The following DSC2 variants were observed in gnomAD, a reference collection of about 807,000 sequenced individuals.
DSC2 encodes desmocollin 2.
Under a neutral mutation model 87.6 loss-of-function variants are expected in DSC2, and 51 were observed. The ratio of observed to expected loss-of-function variants is 0.58; its 90% confidence interval spans 0.46 to 0.74. The LOEUF (loss-of-function observed/expected upper bound fraction) is 0.74. Ranked by LOEUF, DSC2 falls within the 30% of genes least tolerant of loss-of-function variation. The pLI, the probability that DSC2 is intolerant of heterozygous loss-of-function variation, is 0.00. For missense variants in DSC2, 1,066 were observed against 1,089.5 expected (o/e 0.98, Z 0.30); for synonymous variants, 383 against 393.2 (o/e 0.97, Z 0.31).
chr18:31,091,957 TA>T, intron 3 of DSC2, 143 bp downstream of exon 3: 1 of 776,464 alleles, frequency 1.3e-6, no homozygotes. Flanking sequence ...CTTTTCCTTC[TA>T]AACACTGTGA....
In DSC2 at chr18:31,082,969, A is replaced by G. The variant is rs777688726; in HGVS notation, c.1034T>C (p.Ile345Thr). Residue 345 changes from isoleucine (I) to threonine (T), a missense_variant, in exon 8 of 16, where the codon ATT (isoleucine) becomes ACT (threonine). Ile to Thr is a moderately conservative substitution (Grantham distance 89). Transcript: ENST00000280904. ...LQTTSTCIIN[I>T]DDVNDHLPTF... Reference sequence around the variant, plus strand: ...TGGCAAGTGGTCATTTACATCATCAATGTTAATGATACAAGTTGAAGTTGT... The same window carrying G: ...TGGCAAGTGGTCATTTACATCATCAGTGTTAATGATACAAGTTGAAGTTGT... The G allele has an allele frequency of 9.9e-6, 16 of 1,613,540 alleles. No individual in the cohort carries two copies. Among genetic ancestry groups the G allele is most frequent in the South Asian group, 2.2e-5 (2 of 91,056 alleles).
At chr18:31,093,906 T>A (rs1233580936) in intron 1 of DSC2, among the ~76,000 whole-genome samples, 2 of 151,116 alleles carry the variant, frequency 1.3e-5, no homozygotes, top group Non-Finnish European at 3.0e-5. Flanking sequence ...ATATTGGAGA[T>A]AAAATAAAAA....
At chr18:31,084,228 T>G (rs1987323817) in intron 7 of DSC2, among the ~76,000 whole-genome samples, 1 of 152,114 alleles carries the variant, frequency 6.6e-6, no homozygotes, top group African/African-American at 2.4e-5. Context: ...CACACATAAT[T>G]TTCCAGATTT....
At chr18:31,068,470 C>T (rs1986706902) in intron 15 of DSC2, 15 of 1,012,522 alleles carry the variant, frequency 1.5e-5, no homozygotes, top group Non-Finnish European at 2.0e-5. Flanking sequence ...ATAGTCACTA[C>T]TTTCCCTTTC....
At chr18:31,069,844 C>T (rs1986767774) in intron 14 of DSC2, among the ~76,000 whole-genome samples, 1 of 152,082 alleles carries the variant, frequency 6.6e-6, no homozygotes, top group South Asian at 2.1e-4. Context: ...AATTAATTCC[C>T]TTTTACCTGA....
chr18:31,082,950 G>A lies in DSC2; in HGVS notation c.1053C>T (p.His351=). The A allele has an allele frequency of 6.2e-7, 1 of 1,613,576 alleles. No individual in the cohort carries two copies. The highest frequency in any genetic ancestry group is 8.5e-7 in the Non-Finnish European group (1 of 1,179,932). ...CIINIDDVND[H]LPTFTRTSYV... is the part of the protein sequence containing the mutation. ...CAGAAGTACGAGTAAATGTTGGCAAGTGGTCATTTACATCATCAATGTTAA... is the reference window on the plus strand; with the variant it reads ...CAGAAGTACGAGTAAATGTTGGCAAATGGTCATTTACATCATCAATGTTAA... Residue 351 remains histidine (H), a synonymous_variant, in exon 8 of 16, where the codon CAC becomes CAT. Coordinates refer to ENST00000280904, the MANE Select transcript of DSC2 (RefSeq NM_024422.6).
chr18:31,074,421 ATGTGTG>A (rs71175757), intron 12 of DSC2, among the ~76,000 whole-genome samples: 3,178 of 139,982 alleles, frequency 0.023, 52 homozygotes, highest in East Asian at 0.036. Flanking sequence ...AAGAGAAAAA[ATGTGTG>A]TGTGTGTGTG....
At chr18:31,097,515 A>C (rs951592379) in intron 1 of DSC2, among the ~76,000 whole-genome samples, 2 of 151,808 alleles carry the variant, frequency 1.3e-5, no homozygotes, top group African/African-American at 4.9e-5. Flanking sequence ...AACCTCCATA[A>C]AATTTTCTCT....
intron 1 of DSC2, 125 bp downstream of exon 1, chr18:31,101,763 CAACTCCATTTTCTAG>C: frequency 4.3e-6 from 3 of 697,944 alleles, no homozygotes; most frequent in East Asian, 4.2e-5. Flanking sequence ...CCACCCCCGC[CAACTCCATTTTCTAG>C]CCACCCAGAG....
rs779572413 is a variant in DSC2 at position 31,071,598 on chromosome 18, G to A, written c.2125+7C>T. The A allele has an allele frequency of 1.2e-6, 2 of 1,611,336 alleles. No individual in the cohort carries two copies. The highest frequency in any genetic ancestry group is 1.7e-6 in the Non-Finnish European group (2 of 1,177,518). ...TATTTGAATTCAAGAAAGGACTTAAGACTTACAAAAGAGCAATGCTATGCC... is the reference window on the plus strand; with the variant it reads ...TATTTGAATTCAAGAAAGGACTTAAAACTTACAAAAGAGCAATGCTATGCC... On this transcript the variant is annotated splice_region_variant and intron_variant, in intron 13 of 15. Coordinates refer to ENST00000280904, the MANE Select transcript of DSC2 (RefSeq NM_024422.6).
chr18:31,094,797 T>C (rs938159687), intron 1 of DSC2, among the ~76,000 whole-genome samples: 1 of 152,202 alleles, frequency 6.6e-6, no homozygotes, highest in Non-Finnish European at 1.5e-5. Flanking sequence ...ATGAAGACAT[T>C]AGTTTTGAAC....
At chr18:31,068,823 G>A (rs557290186) in intron 15 of DSC2, 71 bp downstream of exon 15, 32 of 1,560,810 alleles carry the variant, frequency 2.1e-5, no homozygotes, top group African/African-American at 1.8e-4. Flanking sequence ...ATTATAGTCA[G>A]AATCCAGTTA....
At chr18:31,079,305 G>A (rs1311630431) in intron 11 of DSC2, among the ~76,000 whole-genome samples, 1 of 152,132 alleles carries the variant, frequency 6.6e-6, no homozygotes, top group Non-Finnish European at 1.5e-5. Context: ...CCAGGCTAGA[G>A]TGCAGTGGCG....
At chr18:31,086,845 T>C (rs1987417569) in intron 6 of DSC2, 103 bp from the exon 7 acceptor site, 2 of 1,247,442 alleles carry the variant, frequency 1.6e-6, no homozygotes, top group Non-Finnish European at 2.3e-6. Context: ...TGGACCACAT[T>C]ATTACATGGC....
chr18:31,101,360 C>T (rs1177261087), intron 1 of DSC2: 6 of 799,602 alleles, frequency 7.5e-6, no homozygotes, highest in Non-Finnish European at 7.6e-6. Flanking sequence ...AGGACACTCG[C>T]TCTCCGTCCC....
At chr18:31,101,735 C>A in intron 1 of DSC2, 168 bp downstream of exon 1, 1 of 689,774 alleles carries the variant, frequency 1.4e-6, no homozygotes, top group Non-Finnish European at 2.4e-6. Flanking sequence ...TCGCGATCCT[C>A]TTCCTATCTG....
rs1790683 is a variant in DSC2, at chr18:31,091,249, T to G, written c.355-102A>C. ...TCTCCTCTCAGGAGGATTAGCTGGG[T>G]AGGGGTGAGACCATGGGAGTGCTTG... On this transcript the variant is annotated intron_variant, in intron 3 of 15. Transcript: ENST00000280904. The G allele has an allele frequency of 0.71, 1,039,116 of 1,465,730 alleles. 373,119 individuals carry two copies. Among genetic ancestry groups the G allele is most frequent in the Non-Finnish European group, 0.73 (779,293 of 1,067,252 alleles). The allele number at this position is 1,465,730 out of a possible 1,614,324, so 90.8% of individuals were successfully genotyped here.
chr18:31,081,967 A>G (rs1987233277), intron 9 of DSC2, among the ~76,000 whole-genome samples: 1 of 152,196 alleles, frequency 6.6e-6, no homozygotes, highest in South Asian at 2.1e-4. Flanking sequence ...TCCCAGGGGC[A>G]TCAAAGCTGT....
At position 31,067,064 on chromosome 18, in the gene DSC2, G is replaced by A. The variant is rs1343070119; in HGVS notation, c.*951C>T. 1 of 151,688 alleles carries A rather than the reference G, an allele frequency of 6.6e-6. No individual in the cohort carries two copies. The highest frequency in any genetic ancestry group is 2.4e-5 in the African/African-American group (1 of 41,360). The allele number at this position is 151,688 out of a possible 1,614,324, so 9.4% of individuals were successfully genotyped here. On this transcript the variant is annotated 3_prime_UTR_variant, in exon 16 of 16. Coordinates refer to ENST00000280904, the MANE Select transcript of DSC2 (RefSeq NM_024422.6). ...AATGGCAAAATTAAAGGTTTTTTTT[G>A]TTGAAGAGATAATGAAGCAATCACC...
Sources: gnomAD v4.1 joint callset for allele counts (sites outside exome capture counted in the v4.1 genomes callset) on GRCh38, gnomAD v4.1.1 for gene constraint, MANE v1.5 for transcripts, NCBI Gene and HGNC (gene_info 2026-07-23, HGNC 2026-07-21) for gene names.